Variants in AGBL1 observed in about 807,000 individuals in gnomAD.
AGBL1 encodes cytosolic carboxypeptidase 4.
Under a neutral mutation model 118.9 loss-of-function variants are expected in AGBL1, and 130 were observed. The ratio of observed to expected loss-of-function variants is 1.09; its 90% CI spans 0.95 to 1.26. AGBL1 has a LOEUF of 1.26. AGBL1 is among the 50% of genes most tolerant of loss of function. The pLI is 0.00. For missense variants in AGBL1, 1,584 were observed against 1,298.1 expected, an observed-to-expected ratio of 1.22 and a Z score of -3.38; for synonymous variants, 555 against 478.9, an observed-to-expected ratio of 1.16 and a Z score of -2.08.
chr15:86,473,498 G>A (rs1202124891), intron 18 of AGBL1, among the ~76,000 whole-genome samples: 1 of 152,056 alleles, frequency 6.6e-6, no homozygotes, highest in Non-Finnish European at 1.5e-5. Context: ...TAATATTTTA[G>A]GGTATAAAGT....
chr15:86,700,334 C>G (rs1159946949), intron 22 of AGBL1, among the ~76,000 whole-genome samples: 4 of 151,912 alleles, frequency 2.6e-5, no homozygotes, highest in South Asian at 2.1e-4. Flanking sequence ...GCAGTATGTT[C>G]TAGGTTCATC....
chr15:87,027,485 T>TAG (rs894571951), intron 24 of AGBL1, among the ~76,000 whole-genome samples: 20 of 149,866 alleles, frequency 1.3e-4, no homozygotes, highest in Non-Finnish European at 2.8e-4. Flanking sequence ...ATACATTATA[T>TAG]AGATGTATTA....
In AGBL1 at chr15:86,245,498, G is replaced by A. The variant is rs535226249; in HGVS notation, c.527-2173G>A. On this transcript the variant is annotated intron_variant, in intron 6 of 22. Coordinates refer to ENST00000614907, the MANE Select transcript of AGBL1 (RefSeq NM_001386094.1). Reference sequence around the variant, plus strand: ...TGTACCTAGTCCCTAGGAGCCAAGAGGGCCAGGCATCTACTGGGTAGATCT... The same window carrying A: ...TGTACCTAGTCCCTAGGAGCCAAGAAGGCCAGGCATCTACTGGGTAGATCT... Among the ~76,000 whole-genome samples the A allele has an allele frequency of 3.9e-5, 6 of 152,306 alleles. No homozygotes were observed. The East Asian group carries it at 9.7e-4, about 25-fold the overall frequency.
chr15:86,683,735 C>T (rs1054292006), intron 22 of AGBL1, among the ~76,000 whole-genome samples: 22 of 152,312 alleles, frequency 1.4e-4, no homozygotes, highest in African/African-American at 5.1e-4. Context: ...TCTATAGCAA[C>T]TGCAGCCCTT....
chr15:86,883,443 C>T (rs1222412802), intron 22 of AGBL1, among the ~76,000 whole-genome samples: 2 of 152,182 alleles, frequency 1.3e-5, no homozygotes, highest in African/African-American at 2.4e-5. Flanking sequence ...TGAGTCTTCT[C>T]CCTGTAGTGT....
chr15:86,142,577 A>G (rs958803335), intron 2 of AGBL1, among the ~76,000 whole-genome samples: 13 of 152,198 alleles, frequency 8.5e-5, no homozygotes, highest in African/African-American at 2.7e-4. Context: ...CTCAATTTGC[A>G]TTTTTATGTA....
At chr15:86,552,744 A>G (rs886654462) in intron 20 of AGBL1, among the ~76,000 whole-genome samples, 1 of 152,152 alleles carries the variant, frequency 6.6e-6, no homozygotes, top group Non-Finnish European at 1.5e-5. Context: ...GAACAAATAG[A>G]TGGAGGGATT....
intron 17 of AGBL1, among the ~76,000 whole-genome samples, chr15:86,334,747 C>T (rs1487761884): frequency 6.6e-6 from 1 of 152,054 alleles, no homozygotes; most frequent in Non-Finnish European, 1.5e-5. Flanking sequence ...TATCACATTA[C>T]CCAACTTCTA....
At chr15:86,254,878 A>G (rs1484080006) in intron 7 of AGBL1, among the ~76,000 whole-genome samples, 2 of 152,210 alleles carry the variant, frequency 1.3e-5, no homozygotes, top group South Asian at 2.1e-4. Context: ...CTTTGCATTC[A>G]TAAGTATTTC....
At chr15:86,131,519 T>G (rs1435418754) in intron 1 of AGBL1, among the ~76,000 whole-genome samples, 1 of 152,212 alleles carries the variant, frequency 6.6e-6, no homozygotes, top group African/African-American at 2.4e-5. Context: ...TTGAGTAAAT[T>G]ATTCAACTTC....
downstream of AGBL1, among the ~76,000 whole-genome samples, chr15:86,918,134 T>C (rs1450546759): frequency 2.0e-5 from 3 of 152,240 alleles, no homozygotes; most frequent in African/African-American, 7.2e-5. Context: ...GGGCAGTTCA[T>C]GAATATGATG....
chr15:86,367,574 A>T (rs1482253668), intron 17 of AGBL1, among the ~76,000 whole-genome samples: 3 of 152,014 alleles, frequency 2.0e-5, no homozygotes, highest in Non-Finnish European at 4.4e-5. Flanking sequence ...GGCTGAAAGT[A>T]GGGAAGCAAT....
intron 22 of AGBL1, among the ~76,000 whole-genome samples, chr15:86,704,513 C>T (rs1025889328): frequency 6.6e-6 from 1 of 152,080 alleles, no homozygotes; most frequent in East Asian, 1.9e-4. Flanking sequence ...ATTTATGTGG[C>T]CAACAAACAT....
intron 22 of AGBL1, among the ~76,000 whole-genome samples, chr15:86,687,248 C>T (rs1596370102): frequency 6.6e-6 from 1 of 152,234 alleles, no homozygotes; most frequent in Non-Finnish European, 1.5e-5. Flanking sequence ...GCCTCAAGAA[C>T]TTCTAAGACA....
At chr15:86,137,318 C>G (rs1175295430) in intron 1 of AGBL1, among the ~76,000 whole-genome samples, 1 of 152,166 alleles carries the variant, frequency 6.6e-6, no homozygotes, top group African/African-American at 2.4e-5. Context: ...TGAGCTGGCT[C>G]TCTGGTTTGT....
chr15:86,650,027 T>G (rs903114088), intron 21 of AGBL1, among the ~76,000 whole-genome samples: 15 of 152,220 alleles, frequency 9.9e-5, no homozygotes, highest in African/African-American at 3.4e-4. Flanking sequence ...GCTTTAAAAG[T>G]ATCATTCAGC....
chr15:86,581,991 C>T (rs2084178059), intron 21 of AGBL1, among the ~76,000 whole-genome samples: 1 of 152,132 alleles, frequency 6.6e-6, no homozygotes, highest in South Asian at 2.1e-4. Context: ...GAAAGTTTCT[C>T]AACCTCAGCA....
At chr15:86,107,013 G>GAGA (rs780384778) in intron 1 of AGBL1, among the ~76,000 whole-genome samples, 2 of 152,178 alleles carry the variant, frequency 1.3e-5, no homozygotes, top group Non-Finnish European at 2.9e-5. Context: ...ACGCCTGGAG[G>GAGA]AGAAGAGTAT....
At chr15:86,334,503 A>T (rs1419906124) in intron 17 of AGBL1, among the ~76,000 whole-genome samples, 4 of 152,244 alleles carry the variant, frequency 2.6e-5, no homozygotes, top group Non-Finnish European at 5.9e-5. Flanking sequence ...CTGCTAAAAG[A>T]AACATAGATG....
Sources: gnomAD v4.1 joint callset for allele counts (sites outside exome capture counted in the v4.1 genomes callset) on GRCh38, gnomAD v4.1.1 for gene constraint, MANE v1.5 for transcripts, NCBI Gene and HGNC (gene_info 2026-07-23, HGNC 2026-07-21) for gene names.